Variants in RAB2A observed in about 807,000 individuals in gnomAD.
The protein encoded by RAB2A is ras-related protein Rab-2A.
A neutral mutation model predicts 32.5 loss-of-function variants in RAB2A; 7 were observed. That is an observed-to-expected ratio of 0.22 (90% CI 0.12 to 0.40). The LOEUF (loss-of-function observed/expected upper bound fraction) is 0.40, where lower values mean the gene tolerates loss of function less well. Ranked by LOEUF, RAB2A falls within the 10% of genes least tolerant of loss-of-function variation. RAB2A has a pLI of 1.00. For missense variants in RAB2A, 108 were observed against 260.7 expected (o/e 0.41, Z 4.03); for synonymous variants, 79 against 85.2 (o/e 0.93, Z 0.40).
intron 1 of RAB2A, among the ~76,000 whole-genome samples, chr8:60,554,984 A>T (rs1388152767): frequency 6.6e-5 from 10 of 152,260 alleles, no homozygotes; most frequent in Non-Finnish European, 1.5e-4. Context: ...GTTATATGGA[A>T]GAAGAGGAGT....
In RAB2A at chr8:60,620,772, C is replaced by A. The variant is rs1188227731; in HGVS notation, c.*3C>A. ...AGGCTGGGGGCGGCTGCTGTTGAGT[C>A]TGTTTTTACTGTCTAGCTGCCCAAC... is the stretch of plus-strand genomic sequence containing the variant. On this transcript the variant is annotated 3_prime_UTR_variant, in exon 8 of 8. Transcript: ENST00000262646. 5.6e-6 allele frequency: 9 copies of A among 1,611,602 alleles called. No individual in the cohort carries two copies. Among genetic ancestry groups the A allele is most frequent in the Non-Finnish European group, 6.8e-6 (8 of 1,179,132 alleles).
intron 5 of RAB2A, among the ~76,000 whole-genome samples, chr8:60,585,281 C>CTTTTTGT (rs1554556804): frequency 7.5e-6 from 1 of 133,336 alleles, no homozygotes; most frequent in African/African-American, 3.3e-5. Flanking sequence ...AGGCACCATT[C>CTTTTTGT]TTTTTGTTTT....
intron 6 of RAB2A, among the ~76,000 whole-genome samples, chr8:60,608,845 A>G (rs1804287980): frequency 1.3e-5 from 2 of 152,066 alleles, no homozygotes; most frequent in Non-Finnish European, 2.9e-5. Context: ...TCTATTCTAT[A>G]GTGTTCTTTC....
At chr8:60,534,318 A>G (rs1807525826) in intron 1 of RAB2A, among the ~76,000 whole-genome samples, 1 of 152,002 alleles carries the variant, frequency 6.6e-6, no homozygotes, top group African/African-American at 2.4e-5. Flanking sequence ...CAGTAACCAG[A>G]TGTGGTGGAA....
chr8:60,519,580 GT>G (rs1314348148), intron 1 of RAB2A, among the ~76,000 whole-genome samples: 2 of 152,156 alleles, frequency 1.3e-5, no homozygotes, highest in African/African-American at 4.8e-5. Flanking sequence ...CTGAATTTAT[GT>G]TTCTCACTTT....
intron 1 of RAB2A, among the ~76,000 whole-genome samples, chr8:60,524,110 C>T (rs1807343238): frequency 6.6e-6 from 1 of 152,048 alleles, no homozygotes; most frequent in Non-Finnish European, 1.5e-5. Context: ...CCCTGTTGTT[C>T]TCATTCCTTT....
chr8:60,550,758 G>A (rs1807833532), intron 1 of RAB2A, among the ~76,000 whole-genome samples: 1 of 152,070 alleles, frequency 6.6e-6, no homozygotes, highest in African/African-American at 2.4e-5. Context: ...TGGAATTTAA[G>A]TAAAATTATA....
intron 1 of RAB2A, chr8:60,552,885 T>C (rs866397998): frequency 1.3e-5 from 2 of 152,312 alleles, no homozygotes; most frequent in South Asian, 4.1e-4. Context: ...TTGTACCTGC[T>C]GTGTGCTAGG....
At chr8:60,605,316 T>C (rs1804208625) in intron 6 of RAB2A, among the ~76,000 whole-genome samples, 1 of 152,184 alleles carries the variant, frequency 6.6e-6, no homozygotes, top group South Asian at 2.1e-4. Flanking sequence ...GGCAGAAGCC[T>C]ACTGCAGGGG....
intron 1 of RAB2A, among the ~76,000 whole-genome samples, chr8:60,533,109 G>A (rs1807501757): frequency 6.6e-6 from 1 of 152,190 alleles, no homozygotes; most frequent in South Asian, 2.1e-4. Flanking sequence ...AATACTAAAT[G>A]GAGGTCAGCT....
At chr8:60,599,069 G>C (rs1487617212) in intron 6 of RAB2A, among the ~76,000 whole-genome samples, 1 of 150,070 alleles carries the variant, frequency 6.7e-6, no homozygotes, top group East Asian at 2.0e-4. Context: ...ACAAAAAAAA[G>C]TGAGTTCAGC....
intron 6 of RAB2A, 100 bp from the exon 7 acceptor site, chr8:60,618,480 A>G (rs952180450): frequency 2.7e-5 from 14 of 511,606 alleles, no homozygotes; most frequent in African/African-American, 2.6e-4. Context: ...ACGTCGATTG[A>G]CTTTCATATG....
chr8:60,589,187 CATG>C (rs1238855517), intron 5 of RAB2A, among the ~76,000 whole-genome samples: 4 of 152,140 alleles, frequency 2.6e-5, no homozygotes, highest in Non-Finnish European at 4.4e-5. Context: ...GTGGCTGAAA[CATG>C]ATGAGTGACA....
chr8:60,617,995 T>G (rs573447283), intron 6 of RAB2A, among the ~76,000 whole-genome samples: 18 of 152,350 alleles, frequency 1.2e-4, no homozygotes, highest in Middle Eastern at 6.8e-3. Flanking sequence ...TGTGTCTGCC[T>G]TCTTTCATTT....
In RAB2A at chr8:60,620,826, C is replaced by T. The variant is rs763402252; in HGVS notation, c.*57C>T. The T allele has an allele frequency of 1.4e-6, 2 of 1,419,542 alleles. No homozygotes were observed. The highest frequency in any genetic ancestry group is 1.9e-6 in the Non-Finnish European group (2 of 1,036,928). The allele number at this position is 1,419,542 out of a possible 1,614,324, so 87.9% of individuals were successfully genotyped here. A position where few individuals can be genotyped will look rare whatever the true frequency, so the allele number is the denominator to read the frequency against. ...GCCTACTCACTTATTCTTTCACCCC[C>T]TCTCCTCCTGCTCAGCTGAGACATG... On this transcript the variant is annotated 3_prime_UTR_variant, in exon 8 of 8. Transcript: ENST00000262646.
intron 1 of RAB2A, among the ~76,000 whole-genome samples, chr8:60,547,836 C>A (rs1374900818): frequency 3.5e-5 from 4 of 114,544 alleles, no homozygotes; most frequent in African/African-American, 1.5e-4. Context: ...GGGGGCTGAC[C>A]CCCCCACCTC....
chr8:60,555,434 A>G (rs766575150), intron 1 of RAB2A, among the ~76,000 whole-genome samples: 11 of 152,242 alleles, frequency 7.2e-5, no homozygotes, highest in Non-Finnish European at 1.6e-4. Context: ...AATAGAGTGA[A>G]AACACAACTT....
intron 2 of RAB2A, among the ~76,000 whole-genome samples, chr8:60,561,159 T>G (rs1808019489): frequency 6.6e-6 from 1 of 152,328 alleles, no homozygotes; most frequent in South Asian, 2.1e-4. Flanking sequence ...TCCTGCTGTT[T>G]GTAATCTCTG....
chr8:60,529,250 A>C (rs1807439897), intron 1 of RAB2A, among the ~76,000 whole-genome samples: 1 of 152,144 alleles, frequency 6.6e-6, no homozygotes, highest in Non-Finnish European at 1.5e-5. Flanking sequence ...CATGTTCCAT[A>C]TGTGCTTGAA....
Sources: gnomAD v4.1 joint callset for allele counts (sites outside exome capture counted in the v4.1 genomes callset) on GRCh38, gnomAD v4.1.1 for gene constraint, MANE v1.5 for transcripts, NCBI Gene and HGNC (gene_info 2026-07-23, HGNC 2026-07-21) for gene names.